INPP5F: variants seen among roughly 807,000 people sequenced by gnomAD.
INPP5F encodes phosphatidylinositide 4-phosphatase SAC2.
INPP5F carries 97 observed loss-of-function variants against 137.2 expected under a neutral mutation model. The observed-to-expected ratio is 0.71, with a 90% CI of 0.60 to 0.84. The LOEUF is 0.84. INPP5F is among the 40% of genes least tolerant of loss of function. The pLI is 0.00. For missense variants in INPP5F, 1,271 were observed against 1,371.9 expected, an observed-to-expected ratio of 0.93 and a Z score of 1.16; for synonymous variants, 504 against 476.9, an observed-to-expected ratio of 1.06 and a Z score of -0.74.
At chr10:119,788,884 TGATAGA>T (rs1314349967) in intron 3 of INPP5F, among the ~76,000 whole-genome samples, 1 of 152,174 alleles carries the variant, frequency 6.6e-6, no homozygotes, top group African/African-American at 2.4e-5. Flanking sequence ...AGCGGACCTT[TGATAGA>T]TTCCTGGGGG....
intron 12 of INPP5F, among the ~76,000 whole-genome samples, chr10:119,807,595 A>G (rs1332280541): frequency 6.6e-6 from 1 of 152,246 alleles, no homozygotes; most frequent in Non-Finnish European, 1.5e-5. Context: ...GCACTTAACT[A>G]TTCTGCCACT....
In INPP5F at chr10:119,810,167, A is replaced by G. The variant is rs753774633; in HGVS notation, c.1637A>G (p.Asn546Ser). ...ATGAAAGATGGAGTGAACTCAGCAA[A>G]CAGATATTACCTCAACCGATTTAAG... Reference protein sequence around the residue: ...GVMKDGVNSANRYYLNRFKDA... With the variant: ...GVMKDGVNSASRYYLNRFKDA... Residue 546 changes from asparagine (N) to serine (S), a missense_variant, in exon 14 of 20, where the codon AAC (asparagine) becomes AGC (serine). By Grantham distance (46) the Asn-to-Ser change is conservative. Coordinates refer to ENST00000650623, the MANE Select transcript of INPP5F (RefSeq NM_014937.4). The G allele has an allele frequency of 6.2e-7, 1 of 1,613,294 alleles. No homozygotes were observed. The highest frequency in any genetic ancestry group is 8.5e-7 in the Non-Finnish European group (1 of 1,179,368).
chr10:119,749,727 G>T (rs1320200065), intron 1 of INPP5F, among the ~76,000 whole-genome samples: 1 of 152,148 alleles, frequency 6.6e-6, no homozygotes, highest in African/African-American at 2.4e-5. Context: ...GAGTTGTCAA[G>T]ATTAGAAATG....
rs1851774003 is a variant in INPP5F, at chr10:119,826,715, G to A, written c.2334G>A (p.Met778Ile). ...GSLAQGKNFL[M>I]SKFSSLNQKV... ...TGGCCCAGGGAAAGAATTTTTTAAT[G>A]AGCAAATTTTCATCTCTAAATCAAA... is the stretch of plus-strand genomic sequence containing the variant. The change falls in exon 20 of 20, where the codon ATG becomes ATA. Residue 778 changes from methionine (M) to isoleucine (I), a missense_variant. By Grantham distance (10) the Met-to-Ile change is conservative (BLOSUM62 1). This residue lies in a region of INPP5F where 490 missense variants were observed against 443.7 expected (regional missense o/e 1.10). Transcript: ENST00000650623. 1 of 1,612,898 alleles carries A rather than the reference G, an allele frequency of 6.2e-7. No homozygotes were observed. Among genetic ancestry groups the A allele is most frequent in the East Asian group, 2.2e-5 (1 of 44,862 alleles).
intron 3 of INPP5F, among the ~76,000 whole-genome samples, chr10:119,784,891 C>A (rs142422490): frequency 0.012 from 1,902 of 152,320 alleles, 22 homozygotes; most frequent in Middle Eastern, 0.027. Flanking sequence ...ACCATGCAAC[C>A]ACTAATCTCC....
At chr10:119,780,829 G>A (rs1304693127) in intron 2 of INPP5F, among the ~76,000 whole-genome samples, 3 of 152,114 alleles carry the variant, frequency 2.0e-5, no homozygotes, top group Non-Finnish European at 2.9e-5. Context: ...GCAATCTAGA[G>A]ATTATTTCAA....
intron 1 of INPP5F, among the ~76,000 whole-genome samples, chr10:119,743,659 C>T (rs893654671): frequency 1.6e-4 from 5 of 31,860 alleles, no homozygotes; most frequent in Admixed American, 4.3e-4. Flanking sequence ...GGGCGGGGGG[C>T]GGGGGGGGGG....
intron 3 of INPP5F, among the ~76,000 whole-genome samples, chr10:119,785,180 G>C (rs1174935336): frequency 4.6e-5 from 7 of 151,026 alleles, no homozygotes; most frequent in Admixed American, 4.6e-4. Flanking sequence ...TTGCATACAA[G>C]TTCTTGGTGG....
At chr10:119,798,450 TA>T in intron 8 of INPP5F, 92 bp from the exon 9 acceptor site, 1 of 820,254 alleles carries the variant, frequency 1.2e-6, no homozygotes, top group Non-Finnish European at 2.0e-6. Flanking sequence ...GGGCTGTCAA[TA>T]AATTATTTAA....
Position 119,823,164 on chromosome 10 carries a change from G to T in INPP5F, c.2126G>T (p.Arg709Leu), listed in dbSNP as rs370432123. 50 of 1,613,832 alleles carry T rather than the reference G, an allele frequency of 3.1e-5. No homozygotes were observed. Among genetic ancestry groups the T allele is most frequent in the Non-Finnish European group, 4.2e-5 (49 of 1,179,936 alleles). The change falls in exon 18 of 20, where the codon CGA becomes CTA. Residue 709 changes from arginine (R) to leucine (L), a missense_variant. Physicochemically the swap from Arg to Leu is moderately radical, Grantham distance 102. This residue lies in a region of INPP5F where 593 missense variants were observed against 712.4 expected (regional missense o/e 0.83). Coordinates refer to ENST00000650623, the MANE Select transcript of INPP5F (RefSeq NM_014937.4). Reference sequence around the variant, plus strand: ...GCGAGTGGCTATTTCCACACATTGCGAGCTGTAATGCGTAATCCTGAAGAG... The same window carrying T: ...GCGAGTGGCTATTTCCACACATTGCTAGCTGTAATGCGTAATCCTGAAGAG... Reference protein sequence around the residue: ...KEASGYFHTLRAVMRNPEEDG... With the variant: ...KEASGYFHTLLAVMRNPEEDG...
chr10:119,811,715 A>T (rs768832081), intron 14 of INPP5F, 42 bp from the exon 15 acceptor site: 1 of 1,472,374 alleles, frequency 6.8e-7, no homozygotes, highest in East Asian at 2.3e-5. Flanking sequence ...AAAATATATT[A>T]GTAAACTAAA....
In INPP5F at chr10:119,827,496, A is replaced by C; in HGVS notation, c.3115A>C (p.Thr1039Pro). 2 of 1,613,724 alleles carry C rather than the reference A, an allele frequency of 1.2e-6. No homozygotes were observed. Among genetic ancestry groups the C allele is most frequent in the Non-Finnish European group, 1.7e-6 (2 of 1,179,954 alleles). The change falls in exon 20 of 20, where the codon ACC (threonine) becomes CCC (proline). Residue 1039 changes from threonine (T) to proline (P), a missense_variant. This residue lies in a region of INPP5F where 490 missense variants were observed against 443.7 expected (regional missense o/e 1.10). Transcript: ENST00000650623. ...AGCGCATTCAGTTGCATCTCAAAAA[A>C]CCCCCACCTCCGCTTCCAGCATGCT... Reference protein sequence around the residue: ...EPAHSVASQKTPTSASSMLEL... With the variant: ...EPAHSVASQKPPTSASSMLEL...
At chr10:119,735,185 CA>C (rs1848185080) in intron 1 of INPP5F, among the ~76,000 whole-genome samples, 1 of 152,208 alleles carries the variant, frequency 6.6e-6, no homozygotes, top group Non-Finnish European at 1.5e-5. Flanking sequence ...TGCTTTCATT[CA>C]CAAAATAGCA....
intron 3 of INPP5F, among the ~76,000 whole-genome samples, chr10:119,789,737 A>C (rs1399805573): frequency 1.3e-5 from 2 of 151,964 alleles, no homozygotes; most frequent in African/African-American, 4.8e-5. Flanking sequence ...TGGGGTTGGC[A>C]TAAGGACAGT....
chr10:119,786,486 T>C (rs1457112974), intron 3 of INPP5F, among the ~76,000 whole-genome samples: 1 of 152,264 alleles, frequency 6.6e-6, no homozygotes, highest in Non-Finnish European at 1.5e-5. Flanking sequence ...CTCTATACTT[T>C]ATTTTCTAAA....
intron 1 of INPP5F, among the ~76,000 whole-genome samples, chr10:119,747,096 G>A (rs138835584): frequency 9.3e-4 from 141 of 152,156 alleles, no homozygotes; most frequent in African/African-American, 2.0e-3. Context: ...GCCATAAGCA[G>A]CCAATTTTAT....
At position 119,748,258 on chromosome 10, in the gene INPP5F, C is replaced by T. The variant is rs917049772; in HGVS notation, c.98-2818C>T. 2.0e-5 allele frequency among the ~76,000 whole-genome samples: 3 copies of T among 152,212 alleles called. No individual in the cohort carries two copies. Among genetic ancestry groups the T allele is most frequent in the Admixed American group, 2.0e-4 (3 of 15,282 alleles). ...CCAGGTGTACCACAAGCAGTTTCTG[C>T]TGCAGGTACTGGGGAATGCAGTGAT... On this transcript the variant is annotated intron_variant, in intron 1 of 19. Transcript: ENST00000650623. The surrounding 1 kb of genome is among the most constrained non-coding windows in gnomAD (Gnocchi z 4.7).
chr10:119,751,056 T>A lies in INPP5F; in HGVS notation c.98-20T>A. 6 of 1,484,412 alleles carry A rather than the reference T, an allele frequency of 4.0e-6. No individual in the cohort carries two copies. Among genetic ancestry groups the A allele is most frequent in the Non-Finnish European group, 5.6e-6 (6 of 1,061,984 alleles). 92.0% of individuals were successfully genotyped at this position (1,484,412 alleles called of 1,614,324 possible). A position where few individuals can be genotyped will look rare whatever the true frequency, so the allele number is the denominator to read the frequency against. ...TTTCTGGTGAATGTTTTCTCATCAC[T>A]GCTTCCTATTTTATTTTAGCTACTG... On this transcript the variant is annotated intron_variant, in intron 1 of 19. Coordinates refer to ENST00000650623, the MANE Select transcript of INPP5F (RefSeq NM_014937.4).
chr10:119,750,422 C>G (rs1195805825), intron 1 of INPP5F, among the ~76,000 whole-genome samples: 1 of 152,170 alleles, frequency 6.6e-6, no homozygotes, highest in East Asian at 1.9e-4. Flanking sequence ...ATTTGCTTCT[C>G]TCTTGTGTGT....
Sources: gnomAD v4.1 joint callset for allele counts (sites outside exome capture counted in the v4.1 genomes callset) on GRCh38, gnomAD v4.1.1 for gene constraint, gnomAD v4.1.1 regional missense constraint, Gnocchi (gnomAD v3.1) non-coding constraint, MANE v1.5 for transcripts, NCBI Gene and HGNC (gene_info 2026-07-23, HGNC 2026-07-21) for gene names.